Variants in PIP5K1A observed in about 807,000 individuals in gnomAD.
PIP5K1A encodes the protein phosphatidylinositol-4-phosphate 5-kinase type 1 alpha, also known as phosphatidylinositol 4-phosphate 5-kinase type-1 alpha.
A neutral mutation model predicts 72.9 loss-of-function variants in PIP5K1A; 46 were observed. The ratio of observed to expected loss-of-function variants is 0.63; its 90% CI spans 0.50 to 0.81. The LOEUF (loss-of-function observed/expected upper bound fraction) is 0.81. Among genes scored for constraint, PIP5K1A ranks in the 30% least tolerant of loss-of-function variants. The pLI is 0.00. For synonymous variants in PIP5K1A, 228 were observed against 255.1 expected, an observed-to-expected ratio of 0.89 and a Z score of 1.01; for missense variants, 458 against 706.1, an observed-to-expected ratio of 0.65 and a Z score of 3.98.
chr1:151,239,632 A>G (rs1691393863), intron 11 of PIP5K1A, among the ~76,000 whole-genome samples: 1 of 152,056 alleles, frequency 6.6e-6, no homozygotes, highest in Non-Finnish European at 1.5e-5. Flanking sequence ...GGTTCAAGCA[A>G]TTCTCATGCC....
chr1:151,214,937 C>T (rs1173500286), intron 1 of PIP5K1A, among the ~76,000 whole-genome samples: 1 of 151,490 alleles, frequency 6.6e-6, no homozygotes, highest in African/African-American at 2.4e-5. Flanking sequence ...AGGCTGGTCT[C>T]GAACTCCTGG....
intron 7 of PIP5K1A, among the ~76,000 whole-genome samples, chr1:151,233,012 ATGGCGTGAATC>A (rs943852833): frequency 2.0e-5 from 3 of 149,778 alleles, no homozygotes; most frequent in African/African-American, 7.4e-5. Context: ...AGACAGGAGA[ATGGCGTGAATC>A]TGGGAGGCGA....
At chr1:151,205,772 A>G (rs1436381365) in intron 1 of PIP5K1A, among the ~76,000 whole-genome samples, 1 of 152,098 alleles carries the variant, frequency 6.6e-6, no homozygotes, top group African/African-American at 2.4e-5. Context: ...CACTCCAGCC[A>G]GGGCAACAGA....
intron 14 of PIP5K1A, 127 bp downstream of exon 14, chr1:151,242,694 A>G (rs587741920): frequency 4.7e-6 from 4 of 843,434 alleles, no homozygotes; most frequent in South Asian, 1.7e-5. Context: ...ACAAACATAT[A>G]TCATACTTTC....
chr1:151,225,252 G>A (rs587665615), intron 3 of PIP5K1A, among the ~76,000 whole-genome samples: 1 of 152,210 alleles, frequency 6.6e-6, no homozygotes, highest in East Asian at 1.9e-4. Context: ...TGAGGCTGCA[G>A]TGAGCCATTA....
chr1:151,210,496 A>G (rs1432718116), intron 1 of PIP5K1A, among the ~76,000 whole-genome samples: 1 of 151,814 alleles, frequency 6.6e-6, no homozygotes, highest in Non-Finnish European at 1.5e-5. Context: ...GTGGCGCTCC[A>G]TCTTTATCAA....
chr1:151,238,607 C>T (rs587652354), intron 10 of PIP5K1A: 21 of 267,030 alleles, frequency 7.9e-5, no homozygotes, highest in Admixed American at 4.5e-4. Context: ...CAACTGGAAA[C>T]GTTACCCTTT....
intron 8 of PIP5K1A, 64 bp from the exon 9 acceptor site, chr1:151,236,494 T>A (rs1274309253): frequency 7.9e-7 from 1 of 1,273,740 alleles, no homozygotes; most frequent in East Asian, 2.4e-5. Flanking sequence ...AAAAAAATTG[T>A]GAGATCCTGA....
chr1:151,243,772 C>G (rs1363361813), intron 14 of PIP5K1A, among the ~76,000 whole-genome samples: 6 of 152,070 alleles, frequency 3.9e-5, no homozygotes, highest in African/African-American at 7.2e-5. Flanking sequence ...TCCAAGATGG[C>G]AGTGTTTCTA....
chr1:151,213,181 G>A (rs368915096), intron 1 of PIP5K1A, among the ~76,000 whole-genome samples: 15 of 152,232 alleles, frequency 9.9e-5, no homozygotes, highest in African/African-American at 3.4e-4. Context: ...GAGCAACCGC[G>A]CCCGGCCTGC....
At chr1:151,243,625 T>C (rs1034602895) in intron 14 of PIP5K1A, among the ~76,000 whole-genome samples, 1 of 152,166 alleles carries the variant, frequency 6.6e-6, no homozygotes, top group Admixed American at 6.5e-5. Flanking sequence ...AGACTCTTGG[T>C]TTTGTCTTCT....
Position 151,236,692 on chromosome 1 carries a change from T to C in PIP5K1A, c.1074T>C (p.Ala358=), listed in dbSNP as rs1334369890. 1 of 1,613,896 alleles carries C rather than the reference T, an allele frequency of 6.2e-7. No individual in the cohort carries two copies. The highest frequency in any genetic ancestry group is 2.2e-5 in the East Asian group (1 of 44,876). Residue 358 remains alanine, a synonymous_variant, in exon 9 of 16, where the codon GCT becomes GCC. Coordinates refer to ENST00000368888, the MANE Select transcript of PIP5K1A (RefSeq NM_001135638.2). ...VDTRRPAPQK[A]LYSTAMESIQ... ...CTCGAAGACCGGCCCCCCAAAAGGC[T>C]CTGTATTCCACAGCCATGGAATCCA...
chr1:151,229,889 C>G (rs1689779009), intron 4 of PIP5K1A, among the ~76,000 whole-genome samples: 2 of 151,846 alleles, frequency 1.3e-5, no homozygotes, highest in South Asian at 4.2e-4. Context: ...CGAGATCATC[C>G]TGGCTAACAC....
chr1:151,238,467 A>G (rs981100564), intron 10 of PIP5K1A: 2 of 540,996 alleles, frequency 3.7e-6, no homozygotes, highest in Non-Finnish European at 6.7e-6. Flanking sequence ...TTCCTCCCCC[A>G]TCTCCCCAGA....
intron 14 of PIP5K1A, among the ~76,000 whole-genome samples, chr1:151,246,417 C>T (rs907222183): frequency 1.3e-5 from 2 of 152,050 alleles, no homozygotes; most frequent in African/African-American, 2.4e-5. Flanking sequence ...CTTGTCACAT[C>T]GCCCTATCCA....
At chr1:151,244,268 T>A (rs1162458815) in intron 14 of PIP5K1A, among the ~76,000 whole-genome samples, 1 of 152,234 alleles carries the variant, frequency 6.6e-6, no homozygotes, top group African/African-American at 2.4e-5. Flanking sequence ...CAGACTTTTC[T>A]TGTCATTATT....
chr1:151,240,880 C>T (rs1480456871), intron 12 of PIP5K1A, among the ~76,000 whole-genome samples: 2 of 152,126 alleles, frequency 1.3e-5, no homozygotes, highest in Admixed American at 6.6e-5. Flanking sequence ...AGTTATCTTT[C>T]TTGGCCCGGC....
chr1:151,196,433 A>AT, upstream of PIP5K1A, among the ~76,000 whole-genome samples: 1 of 151,948 alleles, frequency 6.6e-6, no homozygotes, highest in East Asian at 1.9e-4. Context: ...TACAAACAAG[A>AT]TTTTGTCTAC....
At position 151,249,126 on chromosome 1, in the gene PIP5K1A, T is replaced by C. The variant is rs1052051358; in HGVS notation, c.*1261T>C. The stretch of plus-strand genomic sequence containing the variant: ...GTCAGGGGAAGAAGGGGGCCTGGTA[T>C]CTCAGGCAGATTGTTGAATTCCTGT... On this transcript the variant is annotated 3_prime_UTR_variant, in exon 16 of 16. Transcript: ENST00000368888. The C allele has an allele frequency of 1.3e-5, 2 of 152,194 alleles. No individual in the cohort carries two copies. The highest frequency in any genetic ancestry group is 4.8e-5 in the African/African-American group (2 of 41,442). The allele number at this position is 152,194 out of a possible 1,614,324, so 9.4% of individuals were successfully genotyped here.
Sources: gnomAD v4.1 joint callset for allele counts (sites outside exome capture counted in the v4.1 genomes callset) on GRCh38, gnomAD v4.1.1 for gene constraint, MANE v1.5 for transcripts, NCBI Gene and HGNC (gene_info 2026-07-23, HGNC 2026-07-21) for gene names.